QPCT: variants seen among roughly 807,000 people sequenced by gnomAD.
The protein encoded by QPCT is EC.
QPCT carries 44 observed loss-of-function variants against 43.4 expected under a neutral mutation model. The observed-to-expected ratio is 1.01, with a 90% CI of 0.80 to 1.30. The LOEUF is 1.30. Among genes scored for constraint, QPCT ranks in the 50% most tolerant of loss-of-function variants. The pLI, the probability that QPCT is intolerant of heterozygous loss-of-function variation, is 0.00. For missense variants in QPCT, 526 were observed against 436.5 expected, an observed-to-expected ratio of 1.21 and a Z score of -1.83; for synonymous variants, 168 against 168.4, an observed-to-expected ratio of 1.00 and a Z score of 0.02.
At chr2:37,360,323 A>G (rs954466169) in intron 3 of QPCT, among the ~76,000 whole-genome samples, 2 of 152,182 alleles carry the variant, frequency 1.3e-5, no homozygotes, top group Non-Finnish European at 1.5e-5. Context: ...ACCTATCAAG[A>G]TGAAAAGCAT....
chr2:37,369,625 G>A (rs907483471), intron 4 of QPCT, 60 bp from the exon 5 acceptor site: 1 of 1,264,310 alleles, frequency 7.9e-7, no homozygotes, highest in African/African-American at 1.5e-5. Context: ...GTATTTCCCT[G>A]TTGATGAATA....
At chr2:37,354,547 G>A (rs1177838792) in intron 2 of QPCT, among the ~76,000 whole-genome samples, 1 of 152,114 alleles carries the variant, frequency 6.6e-6, no homozygotes, top group African/African-American at 2.4e-5. Context: ...CATTGTTGAG[G>A]CCAGAATCCA....
At chr2:37,363,765 T>G (rs937622854) in intron 3 of QPCT, among the ~76,000 whole-genome samples, 4 of 151,758 alleles carry the variant, frequency 2.6e-5, no homozygotes, top group Non-Finnish European at 5.9e-5. Context: ...TGTTCTAATA[T>G]TCTTACAGAG....
At chr2:37,361,534 T>C (rs1381158867) in intron 3 of QPCT, among the ~76,000 whole-genome samples, 3 of 152,158 alleles carry the variant, frequency 2.0e-5, no homozygotes, top group African/African-American at 7.2e-5. Flanking sequence ...GCTTGTGCCA[T>C]TGGGCTTGCT....
At chr2:37,368,159 C>G (rs1286293791) in intron 4 of QPCT, 2 of 162,756 alleles carry the variant, frequency 1.2e-5, no homozygotes, top group Non-Finnish European at 2.7e-5. Context: ...GTGACTATGA[C>G]AGTTTGATGT....
At chr2:37,360,686 G>C (rs1239501597) in intron 3 of QPCT, among the ~76,000 whole-genome samples, 1 of 152,120 alleles carries the variant, frequency 6.6e-6, no homozygotes, top group Non-Finnish European at 1.5e-5. Context: ...GAGATATTTG[G>C]TTCTATTTTT....
At position 37,372,858 on chromosome 2, in the gene QPCT, T is replaced by C; in HGVS notation, c.*31T>C. 1.3e-6 allele frequency: 2 copies of C among 1,549,856 alleles called. No individual in the cohort carries two copies. The highest frequency in any genetic ancestry group is 1.4e-5 in the African/African-American group (1 of 72,658). On this transcript the variant is annotated 3_prime_UTR_variant, in exon 7 of 7. Coordinates refer to ENST00000338415, the MANE Select transcript of QPCT (RefSeq NM_012413.4). ...TGATTTAGTTTAGGATAATTGGTTC[T>C]AGAATTGAATTCAAAAGTCAAGGCA... is the stretch of plus-strand genomic sequence containing the variant.
chr2:37,359,129 G>A (rs961232893), intron 2 of QPCT, among the ~76,000 whole-genome samples: 1 of 152,130 alleles, frequency 6.6e-6, no homozygotes, highest in South Asian at 2.1e-4. Flanking sequence ...CTCCTGACTT[G>A]TAGACATGTC....
intron 1 of QPCT, among the ~76,000 whole-genome samples, chr2:37,352,227 C>T (rs1037918662): frequency 1.8e-4 from 27 of 152,226 alleles, no homozygotes; most frequent in Non-Finnish European, 3.5e-4. Flanking sequence ...TATTAAAATT[C>T]GAGGACCCCT....
At chr2:37,346,864 T>C (rs138332240) in intron 1 of QPCT, among the ~76,000 whole-genome samples, 264 of 152,078 alleles carry the variant, frequency 1.7e-3, no homozygotes, top group African/African-American at 6.1e-3. Flanking sequence ...TGTATGTCTT[T>C]GGTACACTGG....
chr2:37,351,807 G>C (rs1220565497), intron 1 of QPCT, among the ~76,000 whole-genome samples: 3 of 152,072 alleles, frequency 2.0e-5, no homozygotes, highest in Admixed American at 6.6e-5. Flanking sequence ...GCTTGAACCC[G>C]GGAGGCAGAG....
intron 4 of QPCT, chr2:37,368,554 C>G: frequency 2.1e-6 from 1 of 470,628 alleles, no homozygotes; most frequent in Non-Finnish European, 4.4e-6. Context: ...TATAAAAGTA[C>G]AAATGGTCAC....
At chr2:37,367,451 G>A (rs41280633) in intron 4 of QPCT, 43 bp downstream of exon 4, 38,720 of 1,571,932 alleles carry the variant, frequency 0.025, 577 homozygotes, top group Middle Eastern at 0.031. Flanking sequence ...TGTAGGCTCC[G>A]CTTCCAAGGA....
chr2:37,346,153 C>A (rs1373542856), intron 1 of QPCT, among the ~76,000 whole-genome samples: 1 of 152,166 alleles, frequency 6.6e-6, no homozygotes, highest in African/African-American at 2.4e-5. Flanking sequence ...ATATGAATAG[C>A]CCATTTCAAT....
chr2:37,345,379 G>T (rs1044305838), intron 1 of QPCT, among the ~76,000 whole-genome samples: 7 of 152,198 alleles, frequency 4.6e-5, no homozygotes, highest in African/African-American at 1.7e-4. Flanking sequence ...GGAGCAACTC[G>T]GCAGGAAGGA....
chr2:37,351,694 C>T (rs542959130), intron 1 of QPCT, among the ~76,000 whole-genome samples: 2 of 152,000 alleles, frequency 1.3e-5, no homozygotes, highest in Non-Finnish European at 2.9e-5. Flanking sequence ...CCAGCCTGAC[C>T]AATATGATGA....
chr2:37,359,365 G>C (rs1204522514), intron 2 of QPCT, among the ~76,000 whole-genome samples: 1 of 152,174 alleles, frequency 6.6e-6, no homozygotes, highest in African/African-American at 2.4e-5. Flanking sequence ...TTAAGGGAGA[G>C]GCAAGAGGAT....
intron 3 of QPCT, 147 bp downstream of exon 3, chr2:37,360,005 G>A (rs1279171804): frequency 3.4e-6 from 3 of 873,094 alleles, no homozygotes; most frequent in Admixed American, 2.7e-5. Context: ...TTGTAAGATT[G>A]CATGATTGGG....
At chr2:37,358,108 GAAA>G (rs553371602) in intron 2 of QPCT, among the ~76,000 whole-genome samples, 2 of 109,970 alleles carry the variant, frequency 1.8e-5, no homozygotes, top group Admixed American at 9.3e-5. Flanking sequence ...TATGATACTT[GAAA>G]AAAAAAAAAA....
Sources: gnomAD v4.1 joint callset for allele counts (sites outside exome capture counted in the v4.1 genomes callset) on GRCh38, gnomAD v4.1.1 for gene constraint, MANE v1.5 for transcripts, NCBI Gene and HGNC (gene_info 2026-07-23, HGNC 2026-07-21) for gene names.